KIAA1549: variants seen among roughly 807,000 people sequenced by gnomAD.
KIAA1549 encodes the protein KIAA1549.
Under a neutral mutation model 156.4 loss-of-function variants are expected in KIAA1549, and 70 were observed. The ratio of observed to expected loss-of-function variants is 0.45; its 90% CI spans 0.37 to 0.55. The LOEUF is 0.55. Among genes scored for constraint, KIAA1549 ranks in the 20% least tolerant of loss-of-function variants. The pLI is 0.00. For synonymous variants in KIAA1549, 1,103 were observed against 1,066.4 expected (o/e 1.03, Z -0.67); for missense variants, 2,428 against 2,540.9 (o/e 0.96, Z 0.96).
intron 1 of KIAA1549, among the ~76,000 whole-genome samples, chr7:138,931,201 A>G (rs575041542): frequency 6.6e-6 from 1 of 152,324 alleles, no homozygotes; most frequent in Admixed American, 6.5e-5. Context: ...AGATCACCAT[A>G]ACAGATATAA....
intron 15 of KIAA1549, among the ~76,000 whole-genome samples, chr7:138,861,677 C>T (rs1014796575): frequency 7.1e-6 from 1 of 141,270 alleles, no homozygotes; most frequent in East Asian, 2.0e-4. Flanking sequence ...CAAAGTGAGA[C>T]CCCCCCCATC....
intron 17 of KIAA1549, among the ~76,000 whole-genome samples, chr7:138,851,976 T>A (rs958291443): frequency 1.3e-5 from 2 of 152,198 alleles, no homozygotes; most frequent in Non-Finnish European, 2.9e-5. Flanking sequence ...GGGTTTTTAA[T>A]GTTAATATCT....
rs561053725 is a variant in KIAA1549 at position 138,832,436 on chromosome 7, C to T, written c.*5470G>A. ...GTGGTCTCAAACTCCTGGCCTCAAG[C>T]GATCCTCCTGCCTCAGCCTCCCAAA... On this transcript the variant is annotated 3_prime_UTR_variant, in exon 20 of 20. Coordinates refer to ENST00000422774, the MANE Select transcript of KIAA1549 (RefSeq NM_001164665.2). The T allele has an allele frequency of 1.4e-4, 27 of 191,496 alleles. No homozygotes were observed. The highest frequency in any genetic ancestry group is 2.5e-4 in the East Asian group (3 of 12,124). The allele number at this position is 191,496 out of a possible 1,614,324, so 11.9% of individuals were successfully genotyped here.
At chr7:138,864,538 T>C (rs1810678689) in intron 15 of KIAA1549, among the ~76,000 whole-genome samples, 1 of 152,216 alleles carries the variant, frequency 6.6e-6, no homozygotes, top group Non-Finnish European at 1.5e-5. Flanking sequence ...CTACCATCTA[T>C]ATTTAGACTA....
chr7:138,895,881 G>A (rs955825614), intron 9 of KIAA1549, among the ~76,000 whole-genome samples: 12 of 151,866 alleles, frequency 7.9e-5, no homozygotes, highest in African/African-American at 2.9e-4. Flanking sequence ...TCATCGAAAC[G>A]GCATTATTTA....
rs1235225386 is a variant in KIAA1549, at chr7:138,835,736, G to A, written c.*2170C>T. 1 of 219,018 alleles carries A rather than the reference G, an allele frequency of 4.6e-6. No homozygotes were observed. The highest frequency in any genetic ancestry group is 2.2e-5 in the African/African-American group (1 of 44,562). 13.6% of individuals were successfully genotyped at this position (219,018 alleles called of 1,614,324 possible). ...AAGATAATCGTTCAATTTGGGAGGAGTCGGGTATTAAACCAAGACCAAGAG... is the reference window on the plus strand; with the variant it reads ...AAGATAATCGTTCAATTTGGGAGGAATCGGGTATTAAACCAAGACCAAGAG... On this transcript the variant is annotated 3_prime_UTR_variant, in exon 20 of 20. Coordinates refer to ENST00000422774, the MANE Select transcript of KIAA1549 (RefSeq NM_001164665.2).
intron 6 of KIAA1549, among the ~76,000 whole-genome samples, chr7:138,905,382 C>T (rs541126130): frequency 6.6e-6 from 1 of 152,304 alleles, no homozygotes; most frequent in East Asian, 1.9e-4. Context: ...ATGTTCACAC[C>T]GTGCCCCTCA....
chr7:138,883,248 A>G (rs6979589), intron 10 of KIAA1549, among the ~76,000 whole-genome samples: 61,282 of 142,178 alleles, frequency 0.43, 13,922 homozygotes, highest in African/African-American at 0.57. Context: ...ACTCCAGCCC[A>G]GGTGAAAGAG....
At chr7:138,879,946 C>A (rs1392930849) in intron 11 of KIAA1549, among the ~76,000 whole-genome samples, 1 of 152,048 alleles carries the variant, frequency 6.6e-6, no homozygotes, top group Non-Finnish European at 1.5e-5. Context: ...GGCTCAAGGC[C>A]CAGCCCCTGG....
chr7:138,861,063 G>A, intron 16 of KIAA1549, 76 bp downstream of exon 16: 1 of 1,465,074 alleles, frequency 6.8e-7, no homozygotes, highest in South Asian at 1.2e-5. Context: ...TTTGTGCGGA[G>A]CCTGAAAGTC....
chr7:138,891,933 C>A (rs1811559468), intron 10 of KIAA1549, among the ~76,000 whole-genome samples: 1 of 152,182 alleles, frequency 6.6e-6, no homozygotes, highest in African/African-American at 2.4e-5. Context: ...ATGAAGAGAT[C>A]ATTTTCCCAT....
intron 16 of KIAA1549, among the ~76,000 whole-genome samples, chr7:138,854,946 C>T (rs1227265220): frequency 1.3e-5 from 2 of 152,120 alleles, no homozygotes; most frequent in Admixed American, 1.3e-4. Flanking sequence ...AGCAGAATCA[C>T]GCTACACACT....
chr7:138,870,574 G>A (rs908492612), intron 13 of KIAA1549, among the ~76,000 whole-genome samples: 3 of 152,158 alleles, frequency 2.0e-5, no homozygotes, highest in Non-Finnish European at 4.4e-5. Context: ...GCGTTGAAGC[G>A]TGAGGAGGAT....
At chr7:138,861,710 A>G (rs1172407613) in intron 15 of KIAA1549, among the ~76,000 whole-genome samples, 2 of 151,672 alleles carry the variant, frequency 1.3e-5, no homozygotes, top group Non-Finnish European at 2.9e-5. Context: ...AAAAAAGAAA[A>G]AAAAAAAGAA....
At chr7:138,930,764 C>CT (rs1328552328) in intron 1 of KIAA1549, among the ~76,000 whole-genome samples, 21 of 152,352 alleles carry the variant, frequency 1.4e-4, no homozygotes, top group African/African-American at 5.0e-4. Flanking sequence ...AGCAACAAGG[C>CT]TGTTTTGCTT....
intron 1 of KIAA1549, among the ~76,000 whole-genome samples, chr7:138,943,100 C>T (rs577709737): frequency 1.2e-4 from 18 of 152,332 alleles, no homozygotes; most frequent in African/African-American, 3.6e-4. Flanking sequence ...GCTAAGGCAG[C>T]CTGCTAGACC....
chr7:138,861,283 G>A lies in KIAA1549; in HGVS notation c.5103C>T (p.Ser1701=), dbSNP rs1554411380. The stretch of plus-strand genomic sequence containing the variant: ...CACCTGCGGTGCTGGCAGGCTGGCT[G>A]CTGGGGGCCACGAGGGCAAAGGCGT... ...LDDAFALVAP[S]SQPASTAGVG... The change falls in exon 16 of 20, where the codon AGC becomes AGT. Residue 1701 remains serine, a synonymous_variant. Transcript: ENST00000422774. 6.2e-7 allele frequency: 1 copy of A among 1,608,148 alleles called. No individual in the cohort carries two copies. Among genetic ancestry groups the A allele is most frequent in the South Asian group, 1.1e-5 (1 of 90,356 alleles).
intron 10 of KIAA1549, among the ~76,000 whole-genome samples, chr7:138,892,367 A>C (rs1811569020): frequency 6.6e-6 from 1 of 152,216 alleles, no homozygotes; most frequent in Non-Finnish European, 1.5e-5. Context: ...TGGCCCATAA[A>C]AGACCTAAAT....
chr7:138,971,739 C>A (rs1223685972), intron 1 of KIAA1549, among the ~76,000 whole-genome samples: 1 of 152,158 alleles, frequency 6.6e-6, no homozygotes, highest in East Asian at 1.9e-4. Flanking sequence ...ACATCACTTC[C>A]CTTCTCTTGC....
Sources: allele counts gnomAD v4.1 joint callset (sites outside exome capture counted in the v4.1 genomes callset), GRCh38; gene constraint gnomAD v4.1.1; transcripts MANE v1.5; gene names NCBI Gene and HGNC (gene_info 2026-07-23, HGNC 2026-07-21).